CNTNAP5: variants seen among roughly 807,000 people sequenced by gnomAD.
The protein encoded by CNTNAP5 is contactin associated protein family member 5, also known as contactin-associated protein-like 5.
In CNTNAP5, 72 loss-of-function variants were observed where a neutral mutation model predicts 150.2. The ratio of observed to expected loss-of-function variants is 0.48; its 90% CI spans 0.40 to 0.58. The LOEUF (loss-of-function observed/expected upper bound fraction) is 0.58, where lower values mean the gene tolerates loss of function less well. Ranked by LOEUF, CNTNAP5 falls within the 20% of genes least tolerant of loss-of-function variation. CNTNAP5 has a pLI of 0.00. For missense variants in CNTNAP5, 1,636 were observed against 1,626.2 expected (o/e 1.01, Z -0.10); for synonymous variants, 672 against 619.8 (o/e 1.08, Z -1.25).
At chr2:124,172,115 G>A (rs1031197341) in intron 1 of CNTNAP5, among the ~76,000 whole-genome samples, 1 of 152,152 alleles carries the variant, frequency 6.6e-6, no homozygotes, top group Non-Finnish European at 1.5e-5. Flanking sequence ...GAGAAAGGCT[G>A]CATTTTTCCT....
At chr2:124,475,560 A>G (rs1337391411) in intron 7 of CNTNAP5, among the ~76,000 whole-genome samples, 1 of 151,974 alleles carries the variant, frequency 6.6e-6, no homozygotes, top group Non-Finnish European at 1.5e-5. Flanking sequence ...TGGTTTATAT[A>G]TTTTGTAGCT....
At chr2:124,200,152 A>G (rs1213437165) in intron 1 of CNTNAP5, among the ~76,000 whole-genome samples, 2 of 152,244 alleles carry the variant, frequency 1.3e-5, no homozygotes, top group Non-Finnish European at 2.9e-5. Context: ...GTCTTTGTCA[A>G]GAACAGATGT....
intron 2 of CNTNAP5, among the ~76,000 whole-genome samples, chr2:124,230,600 C>T (rs1374677563): frequency 5.3e-5 from 8 of 151,378 alleles, no homozygotes; most frequent in African/African-American, 1.2e-4. Flanking sequence ...GGCATGATCT[C>T]GGCTCACTGC....
chr2:124,474,105 T>C (rs556020412), intron 6 of CNTNAP5, among the ~76,000 whole-genome samples: 1 of 152,196 alleles, frequency 6.6e-6, no homozygotes, highest in African/African-American at 2.4e-5. Context: ...TTATACCCAA[T>C]TGTAACTCTT....
intron 1 of CNTNAP5, among the ~76,000 whole-genome samples, chr2:124,115,280 C>T (rs1234479685): frequency 6.6e-6 from 1 of 152,100 alleles, no homozygotes; most frequent in Non-Finnish European, 1.5e-5. Flanking sequence ...TTTATTAGAT[C>T]ATAGCAATCT....
intron 1 of CNTNAP5, among the ~76,000 whole-genome samples, chr2:124,146,025 C>T (rs1008490552): frequency 2.6e-5 from 4 of 151,848 alleles, no homozygotes; most frequent in South Asian, 4.2e-4. Flanking sequence ...ATTTTGTGAG[C>T]AATATTTTGT....
chr2:124,689,370 A>C (rs1392804874), intron 13 of CNTNAP5, among the ~76,000 whole-genome samples: 1 of 152,124 alleles, frequency 6.6e-6, no homozygotes, highest in Non-Finnish European at 1.5e-5. Flanking sequence ...CAATTCTTGG[A>C]TCTTGGAAGG....
chr2:124,895,632 T>G, intron 21 of CNTNAP5, among the ~76,000 whole-genome samples: 1 of 151,296 alleles, frequency 6.6e-6, no homozygotes, highest in East Asian at 1.9e-4. Context: ...CTCAAAAAAA[T>G]AGAGAAATAG....
intron 1 of CNTNAP5, among the ~76,000 whole-genome samples, chr2:124,101,483 G>A (rs1238055826): frequency 6.6e-6 from 1 of 152,140 alleles, no homozygotes; most frequent in East Asian, 1.9e-4. Flanking sequence ...CTAGGCAAGA[G>A]TAGGGAAGGG....
intron 13 of CNTNAP5, among the ~76,000 whole-genome samples, chr2:124,671,854 G>A (rs1678830327): frequency 6.6e-6 from 1 of 152,070 alleles, no homozygotes; most frequent in African/African-American, 2.4e-5. Flanking sequence ...TGGCCAGGCT[G>A]GTCTCAAATT....
rs550019023 is a variant in CNTNAP5, at chr2:124,101,225, T to C, written c.82+75493T>C. ...GTAGATGGCTTTATGTGATTTACTA[T>C]ATAATATATTCCTTATAACAAAATA... On this transcript the variant is annotated intron_variant, in intron 1 of 23. Coordinates refer to ENST00000682447, the MANE Select transcript of CNTNAP5 (RefSeq NM_001367498.1). 6.6e-5 allele frequency among the ~76,000 whole-genome samples: 10 copies of C among 152,348 alleles called. No individual in the cohort carries two copies. In the South Asian group the frequency reaches 2.1e-3, roughly 32 times the overall value.
At chr2:124,259,511 C>T (rs1366989191) in intron 3 of CNTNAP5, among the ~76,000 whole-genome samples, 4 of 152,166 alleles carry the variant, frequency 2.6e-5, no homozygotes, top group African/African-American at 9.7e-5. Context: ...ACATCCTCTC[C>T]AGCACCTGTT....
At chr2:124,127,817 C>T (rs546165257) in intron 1 of CNTNAP5, among the ~76,000 whole-genome samples, 2 of 152,282 alleles carry the variant, frequency 1.3e-5, no homozygotes, top group South Asian at 2.1e-4. Context: ...GGAAAAGATT[C>T]CCTATTTAAT....
intron 13 of CNTNAP5, among the ~76,000 whole-genome samples, chr2:124,706,746 C>CAAGAAG (rs747166844): frequency 0.062 from 3,204 of 51,962 alleles, 245 homozygotes; most frequent in East Asian, 0.17. Context: ...GACTCTGTTT[C>CAAGAAG]AAGAAGAAGA....
intron 13 of CNTNAP5, among the ~76,000 whole-genome samples, chr2:124,685,910 G>A (rs943039588): frequency 1.2e-4 from 18 of 151,676 alleles, no homozygotes; most frequent in African/African-American, 2.2e-4. Flanking sequence ...TTTTCCCTCC[G>A]CTTTCTAAGT....
At chr2:124,786,435 GAAGGAAGGAAGGAAAGAAAGAAAGAAAGA>G (rs1681588456) in intron 17 of CNTNAP5, among the ~76,000 whole-genome samples, 1 of 113,652 alleles carries the variant, frequency 8.8e-6, no homozygotes, top group African/African-American at 4.0e-5. Context: ...AGGAAGGAAG[GAAGGAAGGAAGGAAAGAAAGAAAGAAAGA>G]AAGGAAGGAA....
intron 1 of CNTNAP5, among the ~76,000 whole-genome samples, chr2:124,157,197 A>T (rs1363315872): frequency 6.6e-6 from 1 of 152,148 alleles, no homozygotes; most frequent in Admixed American, 6.5e-5. Flanking sequence ...GTCTGGTCAC[A>T]TGTCTGTCTC....
intron 3 of CNTNAP5, among the ~76,000 whole-genome samples, chr2:124,247,804 C>T (rs1273420326): frequency 6.6e-6 from 1 of 152,112 alleles, no homozygotes; most frequent in Non-Finnish European, 1.5e-5. Flanking sequence ...TAAGCTAATA[C>T]ATTATTATTT....
At chr2:124,054,939 G>A (rs764188018) in intron 1 of CNTNAP5, among the ~76,000 whole-genome samples, 15 of 152,150 alleles carry the variant, frequency 9.9e-5, no homozygotes, top group Non-Finnish European at 2.1e-4. Context: ...AGTTCATATT[G>A]ATGTACTTCC....
Sources: allele counts gnomAD v4.1 joint callset (sites outside exome capture counted in the v4.1 genomes callset), GRCh38; gene constraint gnomAD v4.1.1; transcripts MANE v1.5; gene names NCBI Gene and HGNC (gene_info 2026-07-23, HGNC 2026-07-21).